Variants in FANCA observed in about 807,000 individuals in gnomAD.
FANCA encodes FA complementation group A.
FANCA carries 236 observed loss-of-function variants against 194.3 expected under a neutral mutation model. The ratio of observed to expected loss-of-function variants is 1.21; its 90% CI spans 1.09 to 1.35. The LOEUF (loss-of-function observed/expected upper bound fraction) is 1.35. Ranked by LOEUF, FANCA falls within the 40% of genes most tolerant of loss-of-function variation. The pLI is 0.00. For missense variants in FANCA, 2,628 were observed against 1,813.9 expected (o/e 1.45, Z -8.15); for synonymous variants, 1,014 against 715.8 (o/e 1.42, Z -6.65).
chr16:89,743,262 A>T (rs1173662399), intron 36 of FANCA, among the ~76,000 whole-genome samples: 1 of 152,170 alleles, frequency 6.6e-6, no homozygotes, highest in African/African-American at 2.4e-5. Context: ...CATTTTCCTC[A>T]GTTGCCCATG....
chr16:89,779,303 G>C (rs1173711768), intron 18 of FANCA, among the ~76,000 whole-genome samples: 1 of 152,088 alleles, frequency 6.6e-6, no homozygotes. Flanking sequence ...CAATTTCCTT[G>C]GAGCTAAATT....
At chr16:89,765,209 G>A (rs2039085437) in intron 27 of FANCA, 143 bp from the exon 28 acceptor site, 5 of 990,258 alleles carry the variant, frequency 5.0e-6, no homozygotes, top group Non-Finnish European at 7.7e-6. Flanking sequence ...GCCCCTGGGA[G>A]GGCGCAATAC....
intron 30 of FANCA, 24 bp from the exon 31 acceptor site, chr16:89,752,246 C>A (rs775068951): frequency 6.3e-7 from 1 of 1,594,022 alleles, no homozygotes; most frequent in South Asian, 1.1e-5. Context: ...ACAATAAAAT[C>A]CTCCTCAGTA....
chr16:89,742,367 A>C (rs978730949), intron 37 of FANCA, among the ~76,000 whole-genome samples: 4 of 151,710 alleles, frequency 2.6e-5, no homozygotes, highest in Admixed American at 1.3e-4. Context: ...CTGAGGTAAG[A>C]GGATGGCTTG....
At chr16:89,783,149 T>A (rs2143461992) in intron 15 of FANCA, 47 bp from the exon 16 acceptor site, 1 of 1,442,234 alleles carries the variant, frequency 6.9e-7, no homozygotes, top group Non-Finnish European at 9.7e-7. Flanking sequence ...GGGAACTGCC[T>A]GGGACTCCAG....
chr16:89,747,149 C>A (rs915993797), intron 33 of FANCA, among the ~76,000 whole-genome samples: 3 of 152,160 alleles, frequency 2.0e-5, no homozygotes, highest in Admixed American at 2.0e-4. Context: ...AGGAAGAAGC[C>A]AGGGAGGCAC....
At position 89,744,943 on chromosome 16, in the gene FANCA, C is replaced by T. The variant is rs375826280; in HGVS notation, c.3626+16G>A. On this transcript the variant is annotated intron_variant, in intron 36 of 42. Transcript: ENST00000389301. ...GCATCTGGGCGGGCACACCCCATCT[C>T]ACCACCCACACGTACTCGCTGGCAA... The T allele has an allele frequency of 6.8e-5, 109 of 1,609,156 alleles. No individual in the cohort carries two copies. The highest frequency in any genetic ancestry group is 8.8e-5 in the Non-Finnish European group (104 of 1,178,122).
chr16:89,763,449 T>A (rs990155215), intron 28 of FANCA, among the ~76,000 whole-genome samples: 2 of 150,382 alleles, frequency 1.3e-5, no homozygotes, highest in Non-Finnish European at 3.0e-5. Context: ...GTGCTGGGAT[T>A]ATAGGCATGA....
chr16:89,752,021 C>T lies in FANCA; in HGVS notation c.3066+117G>A, dbSNP rs147325340. ...TCCTGACTGTGTGATCCGCCTGCCT[C>T]GGCCTCCCAAAGTTCTGGGATTACA... On this transcript the variant is annotated intron_variant, in intron 31 of 42. Coordinates refer to ENST00000389301, the MANE Select transcript of FANCA (RefSeq NM_000135.4). 1.4e-3 allele frequency: 1,173 copies of T among 859,172 alleles called. 10 individuals carry two copies. In the African/African-American group the frequency reaches 0.018, roughly 13 times the overall value. The allele number at this position is 859,172 out of a possible 1,614,324, so 53.2% of individuals were successfully genotyped here. A position where few individuals can be genotyped will look rare whatever the true frequency, so the allele number is the denominator to read the frequency against.
Position 89,739,118 on chromosome 16 carries a change from G to C in FANCA, c.4167+15C>G. The C allele has an allele frequency of 6.2e-7, 1 of 1,614,064 alleles. No homozygotes were observed. The highest frequency in any genetic ancestry group is 8.5e-7 in the Non-Finnish European group (1 of 1,179,970). ...GGGGAGCTCCCCTGGAGGTGGGACT[G>C]GCCCTTGCACCTGCCTGACCCTTGA... On this transcript the variant is annotated intron_variant, in intron 41 of 42. Coordinates refer to ENST00000389301, the MANE Select transcript of FANCA (RefSeq NM_000135.4).
At chr16:89,802,640 T>G (rs1295816902) in intron 8 of FANCA, among the ~76,000 whole-genome samples, 1 of 151,384 alleles carries the variant, frequency 6.6e-6, no homozygotes, top group Non-Finnish European at 1.5e-5. Context: ...CCTGACCTTG[T>G]GATCCGCCCG....
chr16:89,792,214 C>A, intron 12 of FANCA, 146 bp from the exon 13 acceptor site: 1 of 1,015,990 alleles, frequency 9.8e-7, no homozygotes, highest in South Asian at 1.3e-5. Context: ...CAGCTCACAC[C>A]GTGGCGTCTC....
intron 14 of FANCA, among the ~76,000 whole-genome samples, chr16:89,787,000 G>C (rs1443313198): frequency 6.6e-6 from 1 of 152,174 alleles, no homozygotes; most frequent in Non-Finnish European, 1.5e-5. Context: ...GCCGCAGCAG[G>C]AACAGTCCAG....
chr16:89,790,184 T>G (rs1264707377), intron 14 of FANCA, among the ~76,000 whole-genome samples: 2 of 151,258 alleles, frequency 1.3e-5, no homozygotes, highest in African/African-American at 4.9e-5. Flanking sequence ...GGCGGACCAC[T>G]TAAGGTCAGG....
At position 89,816,529 on chromosome 16, in the gene FANCA, C is replaced by A. The variant is rs1210341859; in HGVS notation, c.79+8G>T. On this transcript the variant is annotated splice_region_variant and intron_variant, in intron 1 of 42. Coordinates refer to ENST00000389301, the MANE Select transcript of FANCA (RefSeq NM_000135.4). ...CGCCCACTCCCGCGGCCTGCCGCGC[C>A]CACCTACCCAGCAGCTCGGCCCAGG... The A allele has an allele frequency of 6.7e-7, 1 of 1,487,750 alleles. No individual in the cohort carries two copies. Among genetic ancestry groups the A allele is most frequent in the Admixed American group, 2.2e-5 (1 of 44,998 alleles). 92.2% of individuals were successfully genotyped at this position (1,487,750 alleles called of 1,614,324 possible).
intron 23 of FANCA, 29 bp downstream of exon 23, chr16:89,771,649 C>G: frequency 1.2e-6 from 2 of 1,613,348 alleles, no homozygotes; most frequent in Non-Finnish European, 1.7e-6. Context: ...GTGAAGACCC[C>G]CTGCTTTGTT....
At chr16:89,744,684 T>C in intron 36 of FANCA, 2 of 466,666 alleles carry the variant, frequency 4.3e-6, no homozygotes, top group East Asian at 4.0e-5. Context: ...TTTGTTTTTT[T>C]TCTGGACAGA....
Position 89,803,252 on chromosome 16 carries a change from C to A in FANCA, c.792+7G>T. 6.2e-7 allele frequency: 1 copy of A among 1,613,808 alleles called. No individual in the cohort carries two copies. Among genetic ancestry groups the A allele is most frequent in the Non-Finnish European group, 8.5e-7 (1 of 1,179,696 alleles). ...CGCTAAACTCTTCACTTGACTTTTC[C>A]TCCTACCTGCGGCATTTTTTCAGGC... On this transcript the variant is annotated splice_region_variant and intron_variant, in intron 8 of 42. Transcript: ENST00000389301.
chr16:89,796,072 C>T, intron 10 of FANCA, 54 bp from the exon 11 acceptor site: 1 of 1,321,854 alleles, frequency 7.6e-7, no homozygotes, highest in Non-Finnish European at 1.1e-6. Context: ...TTGCACGCCA[C>T]CCACCAATCC....
Sources: gnomAD v4.1 joint callset for allele counts (sites outside exome capture counted in the v4.1 genomes callset) on GRCh38, gnomAD v4.1.1 for gene constraint, MANE v1.5 for transcripts, NCBI Gene and HGNC (gene_info 2026-07-23, HGNC 2026-07-21) for gene names.